LRP1B: variants seen among roughly 807,000 people sequenced by gnomAD.
LRP1B encodes low-density lipoprotein receptor-related protein 1B.
Under a neutral mutation model 556.6 loss-of-function variants are expected in LRP1B, and 217 were observed. The ratio of observed to expected loss-of-function variants is 0.39; its 90% CI spans 0.35 to 0.44. The LOEUF (loss-of-function observed/expected upper bound fraction) is 0.44, where lower values mean the gene tolerates loss of function less well. LRP1B is among the 20% of genes least tolerant of loss of function. LRP1B has a pLI of 1.00. For missense variants in LRP1B, 5,053 were observed against 5,620.8 expected, an observed-to-expected ratio of 0.90 and a Z score of 3.23; for synonymous variants, 2,047 against 1,865.8, an observed-to-expected ratio of 1.10 and a Z score of -2.50.
chr2:140,873,626 A>T lies in LRP1B; in HGVS notation c.4170-5363T>A, dbSNP rs181173189. The stretch of plus-strand genomic sequence containing the variant: ...TCCATAATTTTAAATGATGACTAGC[A>T]CAGTTTTTATAAATAATGCAGGTAA... On this transcript the variant is annotated intron_variant, in intron 25 of 90. Coordinates refer to ENST00000389484, the MANE Select transcript of LRP1B (RefSeq NM_018557.3). Among the ~76,000 whole-genome samples the T allele has an allele frequency of 2.3e-3, 348 of 152,204 alleles. 11 individuals are homozygous for T. Among genetic ancestry groups the T allele is most frequent in the Admixed American group, 0.02 (305 of 15,274 alleles).
chr2:141,416,982 A>G (rs4954703), intron 3 of LRP1B, among the ~76,000 whole-genome samples: 37,792 of 152,068 alleles, frequency 0.25, 5,379 homozygotes, highest in Non-Finnish European at 0.32. Flanking sequence ...CCAGAATTCT[A>G]TCTATCATTC....
intron 35 of LRP1B, among the ~76,000 whole-genome samples, chr2:140,757,593 G>A (rs1312640689): frequency 4.6e-5 from 7 of 152,328 alleles, no homozygotes; most frequent in African/African-American, 1.7e-4. Context: ...TGTAGAGACA[G>A]AAAGCAGGCT....
intron 86 of LRP1B, among the ~76,000 whole-genome samples, chr2:140,267,707 T>C (rs757443197): frequency 6.6e-6 from 1 of 151,894 alleles, no homozygotes; most frequent in Non-Finnish European, 1.5e-5. Flanking sequence ...AGAGGGCTGA[T>C]TGTATACACA....
intron 11 of LRP1B, among the ~76,000 whole-genome samples, chr2:141,036,572 C>A (rs921993719): frequency 6.6e-6 from 1 of 152,000 alleles, no homozygotes; most frequent in Non-Finnish European, 1.5e-5. Context: ...AACCCTTTTT[C>A]CTCCAAAGGC....
chr2:142,086,409 A>T (rs1705924138), intron 1 of LRP1B, among the ~76,000 whole-genome samples: 2 of 152,132 alleles, frequency 1.3e-5, no homozygotes, highest in African/African-American at 4.8e-5. Context: ...AGAGATAGAG[A>T]CCATCCTGGC....
At chr2:140,308,970 C>G (rs979371451) in intron 83 of LRP1B, among the ~76,000 whole-genome samples, 5 of 151,770 alleles carry the variant, frequency 3.3e-5, no homozygotes, top group Non-Finnish European at 7.4e-5. Flanking sequence ...ATCTCCTGAC[C>G]TCTTGTCCCT....
chr2:142,019,545 C>A (rs1345422423), intron 1 of LRP1B, among the ~76,000 whole-genome samples: 25 of 152,160 alleles, frequency 1.6e-4, no homozygotes, highest in Non-Finnish European at 1.0e-4. Context: ...GAGTCCACCA[C>A]ACTCTATTGC....
chr2:141,286,631 T>C (rs1048190411), intron 3 of LRP1B: 52 of 282,892 alleles, frequency 1.8e-4, no homozygotes, highest in South Asian at 1.2e-3. Flanking sequence ...AAATTTAACA[T>C]CTTTAATCGA....
chr2:142,074,337 G>A lies in LRP1B; in HGVS notation c.82+56311C>T, dbSNP rs566748852. ...TTCCATCTACTTCTGCCAATCCTCT[G>A]CCTCTTCTGGCTTCTCTCCACTAAC... On this transcript the variant is annotated intron_variant, in intron 1 of 90. Coordinates refer to ENST00000389484, the MANE Select transcript of LRP1B (RefSeq NM_018557.3). Among the ~76,000 whole-genome samples, 6 of 152,050 alleles carry A rather than the reference G, an allele frequency of 3.9e-5. 1 individual carries two copies. Among genetic ancestry groups the A allele is most frequent in the African/African-American group, 1.4e-4 (6 of 41,496 alleles).
Position 141,015,847 on chromosome 2 carries a change from C to A in LRP1B, c.2039G>T (p.Trp680Leu). 6.2e-7 allele frequency: 1 copy of A among 1,613,634 alleles called. No homozygotes were observed. Among genetic ancestry groups the A allele is most frequent in the Non-Finnish European group, 8.5e-7 (1 of 1,179,774 alleles). Residue 680 changes from tryptophan (W) to leucine (L), a missense_variant, in exon 13 of 91, where the codon TGG becomes TTG. Coordinates refer to ENST00000389484, the MANE Select transcript of LRP1B (RefSeq NM_018557.3). ...AATCTGCCGATTGAATCCATCCATC[C>A]AGGCCTTCTCAATCCTTCCCACGCT... Reference protein sequence around the residue: ...DDSVGRIEKAWMDGFNRQIFV... With the variant: ...DDSVGRIEKALMDGFNRQIFV...
chr2:142,041,957 G>T (rs567353513), intron 1 of LRP1B, among the ~76,000 whole-genome samples: 2 of 151,480 alleles, frequency 1.3e-5, no homozygotes, highest in East Asian at 1.9e-4. Flanking sequence ...GTGCCTTGTT[G>T]TAGGGGAAAA....
intron 41 of LRP1B, among the ~76,000 whole-genome samples, chr2:140,690,651 A>AT (rs745386240): frequency 5.3e-5 from 8 of 151,972 alleles, no homozygotes; most frequent in South Asian, 4.1e-4. Context: ...GAGATTTCAT[A>AT]TTTTTTTTCC....
chr2:141,631,359 T>C (rs951319646), intron 2 of LRP1B, among the ~76,000 whole-genome samples: 4 of 152,050 alleles, frequency 2.6e-5, no homozygotes, highest in African/African-American at 9.7e-5. Flanking sequence ...AGCCAAACCA[T>C]ATCATACCTA....
chr2:140,356,010 ATT>A (rs1391888146), intron 75 of LRP1B, among the ~76,000 whole-genome samples: 1 of 151,874 alleles, frequency 6.6e-6, no homozygotes, highest in African/African-American at 2.4e-5. Flanking sequence ...TCATAAACAT[ATT>A]TTTTCATGAA....
chr2:140,381,861 C>CAAA (rs56723132), intron 67 of LRP1B, among the ~76,000 whole-genome samples: 30 of 64,074 alleles, frequency 4.7e-4, no homozygotes, highest in East Asian at 6.0e-4. Flanking sequence ...GGCTCCCTTT[C>CAAA]AAAAAAAAAA....
rs906195584 is a variant in LRP1B, at chr2:140,583,759, C to G, written c.7194+14872G>C. Among the ~76,000 whole-genome samples, 11 of 144,034 alleles carry G rather than the reference C, an allele frequency of 7.6e-5. No individual in the cohort carries two copies. In the South Asian group the frequency reaches 1.7e-3, roughly 23 times the overall value. The allele number at this position is 144,034 out of a possible 152,430, so 94.5% of individuals were successfully genotyped here. A position where few individuals can be genotyped will look rare whatever the true frequency, so the allele number is the denominator to read the frequency against. On this transcript the variant is annotated intron_variant, in intron 43 of 90. Transcript: ENST00000389484. ...TGTGCTGCTAGAAATAATTTAGCATCTTGATTTTTATTTTTTTATATTCTC... is the reference window on the plus strand; with the variant it reads ...TGTGCTGCTAGAAATAATTTAGCATGTTGATTTTTATTTTTTTATATTCTC...
At chr2:141,175,931 G>C (rs922264023) in intron 7 of LRP1B, among the ~76,000 whole-genome samples, 1 of 152,106 alleles carries the variant, frequency 6.6e-6, no homozygotes, top group Non-Finnish European at 1.5e-5. Flanking sequence ...AAGACATGGA[G>C]TCAAAGGAAA....
intron 6 of LRP1B, among the ~76,000 whole-genome samples, chr2:141,206,304 G>C (rs1027206652): frequency 1.3e-5 from 2 of 151,988 alleles, no homozygotes; most frequent in Non-Finnish European, 2.9e-5. Flanking sequence ...ACGAATTGCC[G>C]GGCGCGGTGG....
chr2:141,516,649 A>G (rs921742658), intron 2 of LRP1B, among the ~76,000 whole-genome samples: 5 of 151,312 alleles, frequency 3.3e-5, no homozygotes, highest in Non-Finnish European at 7.4e-5. Context: ...AGTACAATGA[A>G]GTATTCCACC....
Sources: allele counts gnomAD v4.1 joint callset (sites outside exome capture counted in the v4.1 genomes callset), GRCh38; gene constraint gnomAD v4.1.1; transcripts MANE v1.5; gene names NCBI Gene and HGNC (gene_info 2026-07-23, HGNC 2026-07-21).